The following CAMTA1 variants were observed in gnomAD, a reference collection of about 807,000 sequenced individuals.
CAMTA1 encodes the protein calmodulin binding transcription activator 1.
In CAMTA1, 27 loss-of-function variants were observed where a neutral mutation model predicts 170.9. The ratio of observed to expected loss-of-function variants is 0.16; its 90% CI spans 0.12 to 0.22. CAMTA1 has a LOEUF of 0.22. Among genes scored for constraint, CAMTA1 ranks in the 10% least tolerant of loss-of-function variants. The pLI is 1.00. For missense variants in CAMTA1, 1,619 were observed against 2,217.2 expected (o/e 0.73, Z 5.42); for synonymous variants, 833 against 891.5 (o/e 0.93, Z 1.17).
chr1:7,522,131 C>T (rs72865404), intron 6 of CAMTA1, among the ~76,000 whole-genome samples: 8,537 of 152,176 alleles, frequency 0.056, 664 homozygotes, highest in African/African-American at 0.18. Context: ...ATGACGGATC[C>T]GGTTTTTTCA....
intron 4 of CAMTA1, among the ~76,000 whole-genome samples, chr1:7,194,440 T>C (rs1373509493): frequency 6.6e-6 from 1 of 152,228 alleles, no homozygotes; most frequent in African/African-American, 2.4e-5. Flanking sequence ...TTTTTTTTTA[T>C]GGTGCTGTTC....
chr1:6,894,382 G>C (rs1371574842), intron 3 of CAMTA1, among the ~76,000 whole-genome samples: 2 of 152,190 alleles, frequency 1.3e-5, no homozygotes. Context: ...AGGGGCAAAA[G>C]CTGCCTTTAA....
At chr1:6,904,733 ATTTTTTTTTTTTTTTTTT>A (rs70984036) in intron 3 of CAMTA1, among the ~76,000 whole-genome samples, 4 of 70,994 alleles carry the variant, frequency 5.6e-5, no homozygotes, top group South Asian at 7.0e-4. Flanking sequence ...TGCCCAGCTA[ATTTTTTTTTTTTTTTTTT>A]TTTTTTTTTT....
intron 5 of CAMTA1, among the ~76,000 whole-genome samples, chr1:7,322,981 C>T (rs1678678399): frequency 1.4e-5 from 2 of 143,418 alleles, no homozygotes; most frequent in Non-Finnish European, 1.5e-5. Flanking sequence ...TCCTCCCTTT[C>T]CCCTTCCCTT....
rs5772289 is a variant in CAMTA1 at position 7,766,253 on chromosome 1, A to ATT, written c.4990-198_4990-197dup. ...CGATGTAGAGCAAAGCTTTAGAATG[A>ATT]TTTTTTTTTCACCTTAAGTAGGGTC... On this transcript the variant is annotated intron_variant, in intron 22 of 22. Transcript: ENST00000303635. Among the ~76,000 whole-genome samples the ATT allele has an allele frequency of 5.0e-3, 760 of 151,496 alleles. 10 individuals carry two copies. Among genetic ancestry groups the ATT allele is most frequent in the African/African-American group, 0.018 (731 of 41,286 alleles).
intron 1 of CAMTA1, among the ~76,000 whole-genome samples, chr1:6,786,571 G>T (rs1232374943): frequency 6.6e-6 from 1 of 152,190 alleles, no homozygotes; most frequent in Non-Finnish European, 1.5e-5. Flanking sequence ...GTGGGGGCTT[G>T]TGCAGCTCTG....
chr1:7,276,646 T>C (rs4908614), intron 5 of CAMTA1, among the ~76,000 whole-genome samples: 141,175 of 152,048 alleles, frequency 0.93, 65,709 homozygotes, highest in African/African-American at 0.98. Context: ...TGTACTTCCT[T>C]CTAAGACTGG....
chr1:7,644,795 G>A (rs1188157814), intron 7 of CAMTA1, among the ~76,000 whole-genome samples: 2 of 150,886 alleles, frequency 1.3e-5, no homozygotes. Flanking sequence ...TTTTTGCTTT[G>A]TAGTTCCATC....
At chr1:6,803,996 A>G (rs1397615382) in intron 1 of CAMTA1, among the ~76,000 whole-genome samples, 2 of 151,946 alleles carry the variant, frequency 1.3e-5, no homozygotes, top group Non-Finnish European at 2.9e-5. Flanking sequence ...CAGCTTGGCC[A>G]ACATGGGTGA....
At chr1:6,963,347 C>T (rs1690905433) in intron 3 of CAMTA1, among the ~76,000 whole-genome samples, 1 of 147,402 alleles carries the variant, frequency 6.8e-6, no homozygotes, top group Admixed American at 6.8e-5. Flanking sequence ...TTGGCCCCTC[C>T]TTGCCCGCGC....
At chr1:7,731,231 G>A (rs1198874440) in intron 11 of CAMTA1, among the ~76,000 whole-genome samples, 1 of 152,126 alleles carries the variant, frequency 6.6e-6, no homozygotes, top group Non-Finnish European at 1.5e-5. Context: ...TTTCTCTGAT[G>A]TAGAAGTGAA....
intron 3 of CAMTA1, among the ~76,000 whole-genome samples, chr1:6,952,145 CAT>C (rs753004732): frequency 7.9e-5 from 12 of 152,130 alleles, no homozygotes; most frequent in Non-Finnish European, 8.8e-5. Context: ...AATGGGATAA[CAT>C]AGGCCGGGCA....
intron 3 of CAMTA1, among the ~76,000 whole-genome samples, chr1:6,920,688 T>G (rs1287888599): frequency 1.3e-5 from 2 of 152,232 alleles, no homozygotes; most frequent in Non-Finnish European, 2.9e-5. Context: ...AGGCAGAGGT[T>G]CCCATACCTC....
chr1:7,155,522 T>G (rs1646824960), intron 4 of CAMTA1, among the ~76,000 whole-genome samples: 1 of 151,424 alleles, frequency 6.6e-6, no homozygotes, highest in Admixed American at 6.6e-5. Context: ...GTCTTTTTTT[T>G]TTTTTTTCCA....
chr1:7,325,808 T>C lies in CAMTA1; in HGVS notation c.438+76182T>C, dbSNP rs1478321056. Among the ~76,000 whole-genome samples, 2 of 152,196 alleles carry C rather than the reference T, an allele frequency of 1.3e-5. No homozygotes were observed. Among genetic ancestry groups the C allele is most frequent in the Non-Finnish European group, 1.5e-5 (1 of 68,032 alleles). ...GGCCACTGGACCCCCAAGTCTGGCA[T>C]TTCAAGGGCAGATCCAGGTTTGGTT... On this transcript the variant is annotated intron_variant, in intron 5 of 22. Transcript: ENST00000303635. The surrounding 1 kb of genome is among the most constrained non-coding windows in gnomAD (Gnocchi z 5.0).
At chr1:7,323,025 T>C (rs1678689770) in intron 5 of CAMTA1, among the ~76,000 whole-genome samples, 1 of 135,182 alleles carries the variant, frequency 7.4e-6, no homozygotes, top group African/African-American at 2.7e-5. Context: ...CCTCCCTCCT[T>C]CTTTCCTTCT....
At position 7,335,150 on chromosome 1, in the gene CAMTA1, G is replaced by T. The variant is rs1433300686; in HGVS notation, c.438+85524G>T. Among the ~76,000 whole-genome samples, 766 of 120,652 alleles carry T rather than the reference G, an allele frequency of 6.3e-3. 1 individual carries two copies. The highest frequency in any genetic ancestry group is 0.013 in the African/African-American group (434 of 33,144). 79.2% of individuals were successfully genotyped at this position (120,652 alleles called of 152,430 possible). A position where few individuals can be genotyped will look rare whatever the true frequency, so the allele number is the denominator to read the frequency against. ...TGTGTGTGTGTGTGTGGGGGGGGGG[G>T]GGGGGGGTGGGGGTGGGGGGTGTCA... On this transcript the variant is annotated intron_variant, in intron 5 of 22. Transcript: ENST00000303635.
chr1:7,702,350 A>C (rs1481402471), intron 11 of CAMTA1, among the ~76,000 whole-genome samples: 1 of 151,190 alleles, frequency 6.6e-6, no homozygotes, highest in Non-Finnish European at 1.5e-5. Context: ...CAAACAAACA[A>C]ACAACAACAA....
chr1:7,605,932 C>T (rs898241104), intron 6 of CAMTA1, among the ~76,000 whole-genome samples: 1 of 152,198 alleles, frequency 6.6e-6, no homozygotes, highest in Non-Finnish European at 1.5e-5. Flanking sequence ...CAGAGAGGGA[C>T]AACAAAGTGC....
Sources: allele counts gnomAD v4.1 joint callset (sites outside exome capture counted in the v4.1 genomes callset), GRCh38; gene constraint gnomAD v4.1.1; non-coding constraint Gnocchi (gnomAD v3.1); transcripts MANE v1.5; gene names NCBI Gene and HGNC (gene_info 2026-07-23, HGNC 2026-07-21).